Variants in PTCHD4 observed in about 807,000 individuals in gnomAD.
PTCHD4 encodes patched domain containing 4, also known as patched domain-containing protein 4.
PTCHD4 carries 33 observed loss-of-function variants against 58.1 expected under a neutral mutation model. That is an observed-to-expected ratio of 0.57 (90% CI 0.43 to 0.76). The LOEUF is 0.76. PTCHD4 is among the 30% of genes least tolerant of loss of function. The probability of loss-of-function intolerance (pLI) is 0.00; values close to 1 mark genes in which losing one functional copy is unlikely to be tolerated. For missense variants in PTCHD4, 1,058 were observed against 1,027.1 expected (o/e 1.03, Z -0.41); for synonymous variants, 478 against 409.6 (o/e 1.17, Z -2.02).
chr6:47,946,149 T>C (rs929980122), intron 4 of PTCHD4, among the ~76,000 whole-genome samples: 16 of 152,050 alleles, frequency 1.1e-4, no homozygotes, highest in South Asian at 6.2e-4. Flanking sequence ...TCCATCAATG[T>C]TTCATTTGAG....
At chr6:47,891,236 A>C (rs2114125565) in intron 4 of PTCHD4, among the ~76,000 whole-genome samples, 1 of 151,280 alleles carries the variant, frequency 6.6e-6, no homozygotes, top group Non-Finnish European at 1.5e-5. Flanking sequence ...AAAAAAAAAA[A>C]AAAAAAAGAT....
chr6:47,970,755 T>C (rs1236342554), intron 4 of PTCHD4, among the ~76,000 whole-genome samples: 1 of 152,090 alleles, frequency 6.6e-6, no homozygotes, highest in Non-Finnish European at 1.5e-5. Context: ...TTGGATTGAG[T>C]TTTCTCTAGA....
chr6:48,043,986 T>C (rs1362230287), intron 3 of PTCHD4, among the ~76,000 whole-genome samples: 1 of 151,854 alleles, frequency 6.6e-6, no homozygotes, highest in Non-Finnish European at 1.5e-5. Context: ...CGGGGAAGAA[T>C]AGGAGAAATG....
At chr6:48,045,121 G>A (rs1763988543) in intron 3 of PTCHD4, among the ~76,000 whole-genome samples, 1 of 151,720 alleles carries the variant, frequency 6.6e-6, no homozygotes, top group African/African-American at 2.4e-5. Context: ...TCAATCACAG[G>A]AGGAGAGGAA....
At chr6:47,967,167 T>G (rs1310023164) in intron 4 of PTCHD4, among the ~76,000 whole-genome samples, 2 of 152,216 alleles carry the variant, frequency 1.3e-5, no homozygotes, top group African/African-American at 2.4e-5. Flanking sequence ...GGGTTCAGAA[T>G]AGATATTGTG....
intron 4 of PTCHD4, among the ~76,000 whole-genome samples, chr6:47,935,728 T>G (rs1208613145): frequency 6.6e-6 from 1 of 152,242 alleles, no homozygotes; most frequent in African/African-American, 2.4e-5. Flanking sequence ...AGACATCATT[T>G]TAGATGCTGG....
At chr6:47,915,886 T>G (rs1011925177) in intron 4 of PTCHD4, among the ~76,000 whole-genome samples, 23 of 152,056 alleles carry the variant, frequency 1.5e-4, no homozygotes, top group African/African-American at 3.9e-4. Flanking sequence ...GTGAGGAATT[T>G]CGGGGGAGTG....
At chr6:48,009,488 AAGCTTGCC>A (rs1762593494) in intron 3 of PTCHD4, among the ~76,000 whole-genome samples, 1 of 152,224 alleles carries the variant, frequency 6.6e-6, no homozygotes, top group South Asian at 2.1e-4. Flanking sequence ...GCCAAAAGTA[AAGCTTGCC>A]ATGAATTAAT....
At chr6:47,954,563 T>C (rs1725645188) in intron 4 of PTCHD4, among the ~76,000 whole-genome samples, 1 of 152,218 alleles carries the variant, frequency 6.6e-6, no homozygotes, top group African/African-American at 2.4e-5. Context: ...GAACATGAAG[T>C]ACACTAAAGT....
At position 47,859,309 on chromosome 6, in the gene PTCHD4, GC is replaced by G. The variant is rs1431579018; in HGVS notation, c.*18993del. ...AGGATACGAGCACAGTCCCTGCTCT[GC>G]CAAAGGAAACCATGTCTTTTGTTAA... On this transcript the variant is annotated 3_prime_UTR_variant, in exon 5 of 5. Coordinates refer to ENST00000339488, the MANE Select transcript of PTCHD4 (RefSeq NM_001384253.1). Among the ~76,000 whole-genome samples, 1 of 151,958 alleles carries G rather than the reference GC, an allele frequency of 6.6e-6. No individual in the cohort carries two copies. The highest frequency in any genetic ancestry group is 6.6e-5 in the Admixed American group (1 of 15,230).
chr6:47,866,565 C>A lies in PTCHD4; in HGVS notation c.*11738G>T, dbSNP rs1254060766. Among the ~76,000 whole-genome samples the A allele has an allele frequency of 6.6e-6, 1 of 151,798 alleles. No homozygotes were observed. Among genetic ancestry groups the A allele is most frequent in the Non-Finnish European group, 1.5e-5 (1 of 67,844 alleles). ...GTGAACAGATGTCCTCCTCGTGAAC[C>A]AGTTGGAAAATGGGGCCTCCCCAGG... On this transcript the variant is annotated 3_prime_UTR_variant, in exon 5 of 5. Coordinates refer to ENST00000339488, the MANE Select transcript of PTCHD4 (RefSeq NM_001384253.1).
intron 4 of PTCHD4, chr6:47,901,615 G>T: frequency 9.4e-7 from 1 of 1,067,324 alleles, no homozygotes; most frequent in Non-Finnish European, 1.1e-6. Flanking sequence ...TCAGGTGGGA[G>T]ATAGAAAAGA....
At chr6:47,997,467 A>T (rs1768539692) in intron 4 of PTCHD4, among the ~76,000 whole-genome samples, 1 of 152,156 alleles carries the variant, frequency 6.6e-6, no homozygotes, top group African/African-American at 2.4e-5. Context: ...TTTAGTTTAG[A>T]ATGTTACACC....
At chr6:48,048,610 G>A (rs998689338) in intron 3 of PTCHD4, among the ~76,000 whole-genome samples, 11 of 151,792 alleles carry the variant, frequency 7.2e-5, no homozygotes, top group African/African-American at 1.2e-4. Context: ...CCTCCTTTGT[G>A]CCAGTGACTA....
In PTCHD4 at chr6:48,068,296, G is replaced by C. The variant is rs751799002; in HGVS notation, c.351C>G (p.Thr117=). The part of the protein sequence containing the change: ...RYGRVILLSP[T]GDNILLQAEG... ...CAGCCTGGAGCAAAATATTGTCCCC[G>C]GTTGGGGAGAGGAGGATCACCCTGC... Residue 117 remains threonine (T), a synonymous_variant, in exon 3 of 5, where the codon ACC becomes ACG. Transcript: ENST00000339488. This position sits in a 1 kb window ranked among gnomAD's most constrained non-coding sequence, Gnocchi z 4.2. 3 of 1,611,784 alleles carry C rather than the reference G, an allele frequency of 1.9e-6. No homozygotes were observed. In the South Asian group the frequency reaches 3.3e-5, roughly 18 times the overall value.
At chr6:48,067,358 T>C (rs1764835164) in intron 3 of PTCHD4, among the ~76,000 whole-genome samples, 1 of 152,236 alleles carries the variant, frequency 6.6e-6, no homozygotes, top group Non-Finnish European at 1.5e-5. Context: ...GATTTTTTTT[T>C]CTTTCCTTTT....
In PTCHD4 at chr6:48,009,036, AC is replaced by A; in HGVS notation, c.495del (p.Lys165AsnfsTer23). 6.2e-7 allele frequency: 1 copy of A among 1,613,878 alleles called. No individual in the cohort carries two copies. The highest frequency in any genetic ancestry group is 8.5e-7 in the Non-Finnish European group (1 of 1,179,868). On this transcript the variant is annotated frameshift_variant, in exon 4 of 5. Transcript: ENST00000339488. LOFTEE classifies it high-confidence loss of function. ...TAGGTGATTTGAATGGCTCTGGCTGACTTGACCCGCTGATCTTTGCTGTTTG... is the reference window on the plus strand; with the variant it reads ...TAGGTGATTTGAATGGCTCTGGCTGATTGACCCGCTGATCTTTGCTGTTTG... ...EVPNSKDQRVKSARAIQITYY... is the reference protein window; with the variant it reads ...EVPNSKDQRVXSARAIQITYY...
At chr6:47,996,928 AG>A (rs1204619817) in intron 4 of PTCHD4, among the ~76,000 whole-genome samples, 1 of 152,232 alleles carries the variant, frequency 6.6e-6, no homozygotes, top group African/African-American at 2.4e-5. Context: ...CTTTGCTGTG[AG>A]CTAGTAAAAT....
chr6:48,041,194 C>T lies in PTCHD4; in HGVS notation c.417+27036G>A, dbSNP rs118054213. On this transcript the variant is annotated intron_variant, in intron 3 of 4. Transcript: ENST00000339488. ...AGAATTGAGAGAAAGTGGACCTCCA[C>T]CCAGGTGAGAATGTAATTTGACTCT... Among the ~76,000 whole-genome samples the T allele has an allele frequency of 1.1e-3, 166 of 152,118 alleles. 2 individuals carry two copies. In the East Asian group the frequency reaches 0.029, roughly 26 times the overall value.
Sources: allele counts gnomAD v4.1 joint callset (sites outside exome capture counted in the v4.1 genomes callset), GRCh38; gene constraint gnomAD v4.1.1; non-coding constraint Gnocchi (gnomAD v3.1); transcripts MANE v1.5; gene names NCBI Gene and HGNC (gene_info 2026-07-23, HGNC 2026-07-21).